The following KLHL3 variants were observed in gnomAD, a reference collection of about 807,000 sequenced individuals.
KLHL3 encodes the protein kelch like family member 3, also known as kelch-like protein 3.
In KLHL3, 19 loss-of-function variants were observed where a neutral mutation model predicts 70.5. The observed-to-expected ratio is 0.27, with a 90% confidence interval of 0.19 to 0.40. The LOEUF is 0.40. Ranked by LOEUF, KLHL3 falls within the 10% of genes least tolerant of loss-of-function variation. The pLI is 1.00. For missense variants in KLHL3, 512 were observed against 771.1 expected (o/e 0.66, Z 3.98); for synonymous variants, 258 against 290.3 (o/e 0.89, Z 1.13).
chr5:137,644,824 G>A (rs535278892), intron 8 of KLHL3, among the ~76,000 whole-genome samples: 56 of 152,020 alleles, frequency 3.7e-4, no homozygotes, highest in Non-Finnish European at 1.0e-4. Flanking sequence ...TTGAAGCCAG[G>A]ACTACTCTAA....
chr5:137,633,730 A>G (rs972771204), intron 12 of KLHL3, among the ~76,000 whole-genome samples: 1 of 152,206 alleles, frequency 6.6e-6, no homozygotes, highest in Non-Finnish European at 1.5e-5. Flanking sequence ...CAAATACTGC[A>G]TGTTCTCACT....
chr5:137,733,679 C>A (rs181790844), intron 1 of KLHL3, among the ~76,000 whole-genome samples: 157 of 152,286 alleles, frequency 1.0e-3, no homozygotes, highest in African/African-American at 3.6e-3. Context: ...AGATAGATAA[C>A]TTTTGCAAAA....
At position 137,639,244 on chromosome 5, in the gene KLHL3, A is replaced by G. The variant is rs1199886456; in HGVS notation, c.1022-94T>C. On this transcript the variant is annotated intron_variant, in intron 9 of 14. Transcript: ENST00000309755. The surrounding 1 kb of genome is among the most constrained non-coding windows in gnomAD (Gnocchi z 5.0). ...ATGGAGGAGCAAGACAGACACAGGA[A>G]AAGTCGCCACCGAAGATACTTTAGG... 40 of 1,215,696 alleles carry G rather than the reference A, an allele frequency of 3.3e-5. No individual in the cohort carries two copies. The highest frequency in any genetic ancestry group is 4.1e-5 in the Admixed American group (2 of 49,102). The allele number at this position is 1,215,696 out of a possible 1,614,324, so 75.3% of individuals were successfully genotyped here.
intron 3 of KLHL3, among the ~76,000 whole-genome samples, chr5:137,704,136 A>G (rs1752629125): frequency 6.6e-6 from 1 of 152,220 alleles, no homozygotes; most frequent in Non-Finnish European, 1.5e-5. Context: ...CTGTAATCCC[A>G]GCACTTTGGG....
At chr5:137,651,113 G>T (rs1751190005) in intron 8 of KLHL3, among the ~76,000 whole-genome samples, 1 of 152,192 alleles carries the variant, frequency 6.6e-6, no homozygotes, top group African/African-American at 2.4e-5. Context: ...AGGAAAAAAT[G>T]AGGGGTGATA....
At position 137,634,047 on chromosome 5, in the gene KLHL3, G is replaced by A; in HGVS notation, c.1440C>T (p.Arg480=). ...GAGGTTCTCCCATACCTGCGCCACT[G>A]CGGCGGGTGCTCATGTCCGCCACGT... ...WIYVADMSTR[R]SGAGVGVLSG... Residue 480 remains arginine (R), a synonymous_variant, in exon 12 of 15, where the codon CGC becomes CGT. Coordinates refer to ENST00000309755, the MANE Select transcript of KLHL3 (RefSeq NM_017415.3). 1 of 1,614,172 alleles carries A rather than the reference G, an allele frequency of 6.2e-7. No homozygotes were observed.
chr5:137,625,558 C>T (rs1750438169), intron 14 of KLHL3, among the ~76,000 whole-genome samples, 195 bp downstream of exon 14: 1 of 152,116 alleles, frequency 6.6e-6, no homozygotes, highest in African/African-American at 2.4e-5. Flanking sequence ...TTAATAAGTG[C>T]TAATTATCAA....
chr5:137,619,293 T>C lies in KLHL3; in HGVS notation c.*2805A>G, dbSNP rs141261117. The C allele has an allele frequency of 2.6e-5, 4 of 152,790 alleles. No individual in the cohort carries two copies. The East Asian group carries it at 7.7e-4, about 29-fold the overall frequency. The allele number at this position is 152,790 out of a possible 1,614,324, so 9.5% of individuals were successfully genotyped here. ...ATAGCAGAAAATGAGGTCAGTTTTA[T>C]TTGCATAATACTGCAACTTTGTAGA... On this transcript the variant is annotated 3_prime_UTR_variant, in exon 15 of 15. Transcript: ENST00000309755.
chr5:137,659,344 C>T (rs572592556), intron 7 of KLHL3, among the ~76,000 whole-genome samples: 125 of 152,332 alleles, frequency 8.2e-4, no homozygotes, highest in African/African-American at 2.8e-3. Context: ...TGAGCCTCTC[C>T]TGGGTCCCCA....
Position 137,665,916 on chromosome 5 carries a change from G to C in KLHL3, c.637-3885C>G, listed in dbSNP as rs1367432892. Among the ~76,000 whole-genome samples, 14 of 152,106 alleles carry C rather than the reference G, an allele frequency of 9.2e-5. 1 individual carries two copies. Among genetic ancestry groups the C allele is most frequent in the Admixed American group, 9.2e-4 (14 of 15,268 alleles). ...AAGGGAGCAGAAAAGGAAAGGAGTA[G>C]TATGTATGTATAGTTTGCTCCTATT... On this transcript the variant is annotated intron_variant, in intron 6 of 14. Coordinates refer to ENST00000309755, the MANE Select transcript of KLHL3 (RefSeq NM_017415.3).
At chr5:137,648,865 C>T (rs1751127101) in intron 8 of KLHL3, among the ~76,000 whole-genome samples, 1 of 152,172 alleles carries the variant, frequency 6.6e-6, no homozygotes, top group Admixed American at 6.5e-5. Flanking sequence ...AAGCACAAAC[C>T]AGCCTGCCCT....
chr5:137,697,147 C>G (rs1343236020), intron 4 of KLHL3, among the ~76,000 whole-genome samples: 2 of 138,272 alleles, frequency 1.4e-5, no homozygotes, highest in Non-Finnish European at 3.1e-5. Context: ...TATCCAAACT[C>G]TCTTCTTCCC....
chr5:137,665,164 T>C (rs1264052142), intron 6 of KLHL3, among the ~76,000 whole-genome samples: 2 of 152,064 alleles, frequency 1.3e-5, no homozygotes, highest in African/African-American at 2.4e-5. Flanking sequence ...GTTAATATTA[T>C]GGAAGACAAA....
At position 137,620,271 on chromosome 5, in the gene KLHL3, T is replaced by C. The variant is rs1220066873; in HGVS notation, c.*1827A>G. 1 of 152,228 alleles carries C rather than the reference T, an allele frequency of 6.6e-6. No individual in the cohort carries two copies. The highest frequency in any genetic ancestry group is 1.5e-5 in the Non-Finnish European group (1 of 68,036). 9.4% of individuals were successfully genotyped at this position (152,228 alleles called of 1,614,324 possible). A position where few individuals can be genotyped will look rare whatever the true frequency, so the allele number is the denominator to read the frequency against. ...CTCCAAGCATCTTGTTGAAGTAACA[T>C]GTGCTTAACATCAGAAAGAGAAGTT... On this transcript the variant is annotated 3_prime_UTR_variant, in exon 15 of 15. Transcript: ENST00000309755.
At chr5:137,720,250 A>G (rs1394342855) in intron 2 of KLHL3, among the ~76,000 whole-genome samples, 1 of 152,090 alleles carries the variant, frequency 6.6e-6, no homozygotes, top group Non-Finnish European at 1.5e-5. Context: ...CAGTGAGCCA[A>G]GATCATGCCA....
chr5:137,694,989 A>G (rs1752411565), intron 4 of KLHL3, among the ~76,000 whole-genome samples: 1 of 152,020 alleles, frequency 6.6e-6, no homozygotes, highest in African/African-American at 2.4e-5. Context: ...TGAGAGTCCA[A>G]TCTGCCCTCA....
At chr5:137,661,687 C>A in intron 7 of KLHL3, 1 of 422,766 alleles carries the variant, frequency 2.4e-6, no homozygotes, top group Non-Finnish European at 4.2e-6. Context: ...AAATAAAAAT[C>A]CAAAACTAAT....
rs1244970959 is a variant in KLHL3, at chr5:137,620,643, C to T, written c.*1455G>A. 6.6e-6 allele frequency: 1 copy of T among 152,204 alleles called. No individual in the cohort carries two copies. Among genetic ancestry groups the T allele is most frequent in the Non-Finnish European group, 1.5e-5 (1 of 68,038 alleles). The allele number at this position is 152,204 out of a possible 1,614,324, so 9.4% of individuals were successfully genotyped here. A position where few individuals can be genotyped will look rare whatever the true frequency, so the allele number is the denominator to read the frequency against. On this transcript the variant is annotated 3_prime_UTR_variant, in exon 15 of 15. Coordinates refer to ENST00000309755, the MANE Select transcript of KLHL3 (RefSeq NM_017415.3). ...GCACAACTTTAAGGTTTTTTAAATA[C>T]AAATTACTCCATGCCCCCTCAAATG...
chr5:137,636,222 G>A (rs1212874937), intron 11 of KLHL3, among the ~76,000 whole-genome samples: 3 of 152,182 alleles, frequency 2.0e-5, no homozygotes, highest in Non-Finnish European at 4.4e-5. Flanking sequence ...CACAATACCA[G>A]TGCAGACTGA....
Sources: allele counts gnomAD v4.1 joint callset (sites outside exome capture counted in the v4.1 genomes callset), GRCh38; gene constraint gnomAD v4.1.1; non-coding constraint Gnocchi (gnomAD v3.1); transcripts MANE v1.5; gene names NCBI Gene and HGNC (gene_info 2026-07-23, HGNC 2026-07-21).